CPSF6: variants seen among roughly 807,000 people sequenced by gnomAD.
CPSF6 encodes cleavage and polyadenylation specificity factor subunit 6.
CPSF6 carries 10 observed loss-of-function variants against 56.7 expected under a neutral mutation model. The observed-to-expected ratio is 0.18, with a 90% confidence interval of 0.11 to 0.30. The LOEUF is 0.30. CPSF6 is among the 10% of genes least tolerant of loss of function. The pLI is 1.00. For missense variants in CPSF6, 419 were observed against 722.9 expected (o/e 0.58, Z 4.82); for synonymous variants, 248 against 244.8 (o/e 1.01, Z -0.12).
chr12:69,252,816 C>G (rs1872315091), intron 2 of CPSF6, among the ~76,000 whole-genome samples: 2 of 152,056 alleles, frequency 1.3e-5, no homozygotes, highest in Admixed American at 1.3e-4. Flanking sequence ...TTATTGTAAC[C>G]CCAAGGGTAT....
intron 3 of CPSF6, chr12:69,255,286 G>A (rs529844572): frequency 1.3e-5 from 2 of 152,222 alleles, no homozygotes; most frequent in East Asian, 1.9e-4. Flanking sequence ...TCTATCAGTC[G>A]ATGGACGTCT....
intron 8 of CPSF6, 127 bp from the exon 9 acceptor site, chr12:69,262,246 G>A: frequency 8.4e-7 from 1 of 1,185,510 alleles, no homozygotes; most frequent in Non-Finnish European, 1.1e-6. Context: ...TGGCAGCTCA[G>A]GATAGTAAGT....
At chr12:69,256,653 G>A in intron 3 of CPSF6, 44 bp from the exon 4 acceptor site, 1 of 1,544,740 alleles carries the variant, frequency 6.5e-7, no homozygotes, top group East Asian at 2.3e-5. Flanking sequence ...TAATAATATT[G>A]ATCTCTTTTT....
chr12:69,259,961 C>T, intron 7 of CPSF6, 83 bp from the exon 8 acceptor site: 1 of 1,403,280 alleles, frequency 7.1e-7, no homozygotes, highest in Non-Finnish European at 9.8e-7. Flanking sequence ...TGTAAAATGC[C>T]TTATCACTCT....
intron 2 of CPSF6, chr12:69,252,185 C>T (rs1872280090): frequency 2.3e-6 from 1 of 431,600 alleles, no homozygotes; most frequent in African/African-American, 2.0e-5. Context: ...AGTGATTCTC[C>T]TGTGTCAGCC....
intron 1 of CPSF6, among the ~76,000 whole-genome samples, chr12:69,244,532 T>C (rs1447908126): frequency 6.6e-6 from 1 of 152,108 alleles, no homozygotes; most frequent in African/African-American, 2.4e-5. Flanking sequence ...CCTAAACTTT[T>C]TTCTATTAAA....
chr12:69,245,822 A>G (rs1002908930), intron 1 of CPSF6, among the ~76,000 whole-genome samples: 1 of 152,202 alleles, frequency 6.6e-6, no homozygotes, highest in Non-Finnish European at 1.5e-5. Context: ...GCGGTGGCTC[A>G]TGCCTATAAT....
intron 1 of CPSF6, among the ~76,000 whole-genome samples, chr12:69,241,326 TCTAAC>T (rs1871604862): frequency 2.6e-5 from 4 of 152,370 alleles, no homozygotes; most frequent in African/African-American, 9.6e-5. Flanking sequence ...CAACACAGGT[TCTAAC>T]GCTTATAAGA....
rs1303341417 is a variant in CPSF6 at position 69,256,684 on chromosome 12, A to C, written c.375-13A>C. On this transcript the variant is annotated splice_polypyrimidine_tract_variant and intron_variant, in intron 3 of 9. Transcript: ENST00000435070. ...TTTTTACTTTGTATCCTCACCCCTTAAACACTTTTTAGGTTTGCCCTTGTT... is the reference window on the plus strand; with the variant it reads ...TTTTTACTTTGTATCCTCACCCCTTCAACACTTTTTAGGTTTGCCCTTGTT... The C allele has an allele frequency of 1.2e-6, 2 of 1,604,046 alleles. No individual in the cohort carries two copies. Among genetic ancestry groups the C allele is most frequent in the African/African-American group, 2.7e-5 (2 of 74,278 alleles).
Position 69,258,230 on chromosome 12 carries a change from T to G in CPSF6, c.694+325T>G. 2.5e-6 allele frequency: 2 copies of G among 814,614 alleles called. No individual in the cohort carries two copies. Among genetic ancestry groups the G allele is most frequent in the Non-Finnish European group, 3.8e-6 (2 of 521,592 alleles). 50.5% of individuals were successfully genotyped at this position (814,614 alleles called of 1,614,324 possible). On this transcript the variant is annotated intron_variant, in intron 5 of 9. Transcript: ENST00000435070. This position sits in a 1 kb window ranked among gnomAD's most constrained non-coding sequence, Gnocchi z 4.2. Reference sequence around the variant, plus strand: ...TTTCTTACCTCTTAAAAAAATCCTTTCAAGATCATTTTTCCTTGTTTCACT... The same window carrying G: ...TTTCTTACCTCTTAAAAAAATCCTTGCAAGATCATTTTTCCTTGTTTCACT...
Position 69,269,927 on chromosome 12 carries a change from CTG to C in CPSF6, c.*421_*422del, listed in dbSNP as rs1244288826. 1 of 159,474 alleles carries C rather than the reference CTG, an allele frequency of 6.3e-6. No homozygotes were observed. Among genetic ancestry groups the C allele is most frequent in the Non-Finnish European group, 1.4e-5 (1 of 72,418 alleles). 9.9% of individuals were successfully genotyped at this position (159,474 alleles called of 1,614,324 possible). On this transcript the variant is annotated 3_prime_UTR_variant, in exon 10 of 10. Transcript: ENST00000435070. ...ACAATAGATGTAGTGTTGTAATAAA[CTG>C]TTTAATGGGGCTGATGTGTAAAGCT...
At chr12:69,259,393 GA>G in intron 6 of CPSF6, 34 bp from the exon 7 acceptor site, 1 of 1,597,082 alleles carries the variant, frequency 6.3e-7, no homozygotes, top group Non-Finnish European at 8.5e-7. Context: ...GAAATCTGTT[GA>G]GTATGAGTTA....
In CPSF6 at chr12:69,258,618, AGGTCCTCCAGGCCCACCT is replaced by A; in HGVS notation, c.729_746del (p.Gly248_Pro253del). ...GACAGACTCCACCACGTCCACCCTT[AGGTCCTCCAGGCCCACCT>A]GGTCCACCAGGTCCTCCACCTCCTG... On this transcript the variant is annotated inframe_deletion, in exon 6 of 10. Coordinates refer to ENST00000435070, the MANE Select transcript of CPSF6 (RefSeq NM_007007.3). This position sits in a 1 kb window ranked among gnomAD's most constrained non-coding sequence, Gnocchi z 4.2. The A allele has an allele frequency of 6.2e-7, 1 of 1,612,768 alleles. No individual in the cohort carries two copies. The highest frequency in any genetic ancestry group is 8.5e-7 in the Non-Finnish European group (1 of 1,179,548).
At chr12:69,264,262 T>C (rs777991459) in intron 9 of CPSF6, among the ~76,000 whole-genome samples, 1 of 152,074 alleles carries the variant, frequency 6.6e-6, no homozygotes, top group Non-Finnish European at 1.5e-5. Flanking sequence ...TTATAAGTTA[T>C]CAGCAAGCTT....
intron 1 of CPSF6, among the ~76,000 whole-genome samples, chr12:69,246,156 C>T (rs956138810): frequency 6.6e-6 from 1 of 152,160 alleles, no homozygotes; most frequent in Admixed American, 6.5e-5. Context: ...ACAAAGAATT[C>T]ACTTAGGAGT....
intron 1 of CPSF6, among the ~76,000 whole-genome samples, chr12:69,249,583 T>C (rs1367556534): frequency 7.2e-5 from 11 of 152,234 alleles, no homozygotes; most frequent in African/African-American, 1.2e-4. Flanking sequence ...TTTTTCCTTA[T>C]GTCAGATGTT....
At chr12:69,264,008 T>TA (rs1872862859) in intron 9 of CPSF6, among the ~76,000 whole-genome samples, 1 of 152,198 alleles carries the variant, frequency 6.6e-6, no homozygotes, top group African/African-American at 2.4e-5. Context: ...TTGAAATTGA[T>TA]ATTGTTTTTG....
chr12:69,247,456 A>AT (rs761632598), intron 1 of CPSF6, among the ~76,000 whole-genome samples: 1 of 152,060 alleles, frequency 6.6e-6, no homozygotes, highest in Non-Finnish European at 1.5e-5. Context: ...TGAACAGCAG[A>AT]TAAGATTGGG....
intron 1 of CPSF6, among the ~76,000 whole-genome samples, chr12:69,246,610 T>C (rs1021543176): frequency 7.9e-5 from 12 of 152,218 alleles, no homozygotes; most frequent in African/African-American, 2.9e-4. Flanking sequence ...GAAAATGATA[T>C]ATTTTCTTTA....
Sources: allele counts gnomAD v4.1 joint callset (sites outside exome capture counted in the v4.1 genomes callset), GRCh38; gene constraint gnomAD v4.1.1; non-coding constraint Gnocchi (gnomAD v3.1); transcripts MANE v1.5; gene names NCBI Gene and HGNC (gene_info 2026-07-23, HGNC 2026-07-21).